The following MAPK14 variants were observed in gnomAD, a reference collection of about 807,000 sequenced individuals.
The protein encoded by MAPK14 is mitogen-activated protein kinase 14, also known as CSAID-binding protein.
A neutral mutation model predicts 49.6 loss-of-function variants in MAPK14; 16 were observed. The ratio of observed to expected loss-of-function variants is 0.32; its 90% CI spans 0.22 to 0.49. The LOEUF (loss-of-function observed/expected upper bound fraction) is 0.49, where lower values mean the gene tolerates loss of function less well. Among genes scored for constraint, MAPK14 ranks in the 20% least tolerant of loss-of-function variants. The probability of loss-of-function intolerance (pLI) is 0.99; values close to 1 mark genes in which losing one functional copy is unlikely to be tolerated. For missense variants in MAPK14, 200 were observed against 441.2 expected, an observed-to-expected ratio of 0.45 and a Z score of 4.90; for synonymous variants, 142 against 158.0, an observed-to-expected ratio of 0.90 and a Z score of 0.76.
intron 8 of MAPK14, among the ~76,000 whole-genome samples, chr6:36,094,495 T>G (rs1765371851): frequency 6.6e-6 from 1 of 152,230 alleles, no homozygotes; most frequent in African/African-American, 2.4e-5. Flanking sequence ...TTTCTTCCAT[T>G]TAAGCTGATT....
chr6:36,029,931 G>A (rs1175694022), intron 1 of MAPK14, among the ~76,000 whole-genome samples: 3 of 116,464 alleles, frequency 2.6e-5, no homozygotes, highest in Non-Finnish European at 5.3e-5. Context: ...TATTATATAG[G>A]TATATACATT....
rs897069913 is a variant in MAPK14 at position 36,073,757 on chromosome 6, A to AGT, written c.447+39_447+40dup. ...GACTTTGATTACATTATTTTGGGGA[A>AGT]GTGGGGTGAGAGTGGAAGAATGGCA... On this transcript the variant is annotated intron_variant, in intron 5 of 11. Transcript: ENST00000229794. 4 of 1,596,446 alleles carry AGT rather than the reference A, an allele frequency of 2.5e-6. No homozygotes were observed. The Admixed American group carries it at 6.8e-5, about 27-fold the overall frequency.
At chr6:36,037,188 G>A (rs73407837) in intron 1 of MAPK14, among the ~76,000 whole-genome samples, 2,450 of 152,058 alleles carry the variant, frequency 0.016, 60 homozygotes, top group African/African-American at 0.055. Context: ...ATTTTTTTGT[G>A]ATATTCACTG....
intron 3 of MAPK14, among the ~76,000 whole-genome samples, chr6:36,063,573 AGTGATATAT>A (rs1221772059): frequency 1.3e-5 from 2 of 152,154 alleles, no homozygotes; most frequent in African/African-American, 4.8e-5. Flanking sequence ...CAGGTGACAG[AGTGATATAT>A]GTGGTCCACT....
rs1467686346 is a variant in MAPK14, at chr6:36,107,893, A to G, written c.1015+265A>G. Among the ~76,000 whole-genome samples, 2 of 152,232 alleles carry G rather than the reference A, an allele frequency of 1.3e-5. No individual in the cohort carries two copies. The highest frequency in any genetic ancestry group is 2.9e-5 in the Non-Finnish European group (2 of 68,042). On this transcript the variant is annotated intron_variant, in intron 11 of 11. Transcript: ENST00000229794. This position sits in a 1 kb window ranked among gnomAD's most constrained non-coding sequence, Gnocchi z 4.3. ...AGGTTTTCAGAGTCATTGCATTTAC[A>G]ACATCTCTCTGAGCTTTTACAGTTT...
At chr6:36,112,997 A>G (rs1013596812), downstream of MAPK14, among the ~76,000 whole-genome samples, 2 of 152,146 alleles carry the variant, frequency 1.3e-5, 1 homozygote. Context: ...ATGTTTTCAC[A>G]TTGGGATGAC....
At chr6:36,037,209 G>T (rs936429492) in intron 1 of MAPK14, among the ~76,000 whole-genome samples, 1 of 152,126 alleles carries the variant, frequency 6.6e-6, no homozygotes, top group African/African-American at 2.4e-5. Context: ...TGTTGTGGTT[G>T]TCTGGAACTG....
intron 3 of MAPK14, among the ~76,000 whole-genome samples, chr6:36,071,007 A>G (rs772176449): frequency 5.3e-5 from 8 of 152,162 alleles, no homozygotes; most frequent in Non-Finnish European, 1.2e-4. Flanking sequence ...TGATTCTTAG[A>G]CAGTAAATAA....
intron 2 of MAPK14, among the ~76,000 whole-genome samples, chr6:36,054,033 C>G (rs761839334): frequency 3.8e-5 from 5 of 132,848 alleles, no homozygotes; most frequent in South Asian, 2.2e-4. Flanking sequence ...GAAGCTGCAG[C>G]CTTCCTAATC....
At chr6:36,123,144 G>A in the MAPK14 span, among the ~76,000 whole-genome samples, 4 of 152,082 alleles carry the variant, frequency 2.6e-5, no homozygotes, top group Non-Finnish European at 5.9e-5. Context: ...GGAAGGAAAG[G>A]TGGACAATTC....
intron 6 of MAPK14, 157 bp from the exon 7 acceptor site, chr6:36,075,691 A>T: frequency 2.1e-6 from 2 of 946,218 alleles, no homozygotes; most frequent in South Asian, 2.9e-5. Flanking sequence ...TTTACCATAC[A>T]TTCTAAGTAT....
intron 1 of MAPK14, among the ~76,000 whole-genome samples, chr6:36,045,829 A>AAAAAG: frequency 6.6e-6 from 1 of 151,032 alleles, no homozygotes; most frequent in Non-Finnish European, 1.5e-5. Flanking sequence ...AAAAAAAAAA[A>AAAAAG]AAAAGAAAGA....
intron 6 of MAPK14, among the ~76,000 whole-genome samples, chr6:36,074,473 G>A (rs1764438275): frequency 1.3e-5 from 2 of 152,066 alleles, no homozygotes; most frequent in South Asian, 4.1e-4. Flanking sequence ...TGAATTAATT[G>A]TTTCTAAATA....
At chr6:36,074,464 GAATT>G (rs1764438003) in intron 6 of MAPK14, among the ~76,000 whole-genome samples, 1 of 152,022 alleles carries the variant, frequency 6.6e-6, no homozygotes, top group Non-Finnish European at 1.5e-5. Context: ...AAAAATAAGT[GAATT>G]AATTGTTTCT....
At chr6:36,087,424 T>G (rs1050828498) in intron 8 of MAPK14, among the ~76,000 whole-genome samples, 5 of 152,196 alleles carry the variant, frequency 3.3e-5, no homozygotes, top group Admixed American at 2.6e-4. Flanking sequence ...GATAAGCAAC[T>G]TCAGCAAAGT....
chr6:36,039,387 T>C (rs1762871191), intron 1 of MAPK14, among the ~76,000 whole-genome samples: 1 of 152,230 alleles, frequency 6.6e-6, no homozygotes, highest in Admixed American at 6.5e-5. Context: ...TTTGAATATG[T>C]GGTTACAAAT....
At chr6:36,122,961 G>T in the MAPK14 span, among the ~76,000 whole-genome samples, 1 of 152,136 alleles carries the variant, frequency 6.6e-6, no homozygotes, top group East Asian at 1.9e-4. Flanking sequence ...AGCCTGTGGA[G>T]GGGGAAGCGG....
the MAPK14 span, among the ~76,000 whole-genome samples, chr6:36,116,464 A>G: frequency 8.5e-5 from 13 of 152,146 alleles, no homozygotes; most frequent in Non-Finnish European, 1.9e-4. Context: ...TTGATATGTA[A>G]AACCAAGTTA....
chr6:36,106,905 G>A (rs948773438), intron 10 of MAPK14, among the ~76,000 whole-genome samples: 2 of 150,482 alleles, frequency 1.3e-5, no homozygotes, highest in Admixed American at 1.3e-4. Flanking sequence ...AACAGCTTAG[G>A]GGGACAAAAA....
Sources: gnomAD v4.1 joint callset for allele counts (sites outside exome capture counted in the v4.1 genomes callset) on GRCh38, gnomAD v4.1.1 for gene constraint, Gnocchi (gnomAD v3.1) non-coding constraint, MANE v1.5 for transcripts, NCBI Gene and HGNC (gene_info 2026-07-23, HGNC 2026-07-21) for gene names.